The following TXNRD1 variants were observed in gnomAD, a reference collection of about 807,000 sequenced individuals.
TXNRD1 encodes thioredoxin reductase 1, cytoplasmic.
Under a neutral mutation model 80.3 loss-of-function variants are expected in TXNRD1, and 57 were observed. The observed-to-expected ratio is 0.71, with a 90% confidence interval of 0.57 to 0.89. TXNRD1 has a LOEUF of 0.89. Ranked by LOEUF, TXNRD1 falls within the 40% of genes least tolerant of loss-of-function variation. The pLI is 0.00. For missense variants in TXNRD1, 730 were observed against 803.0 expected, an observed-to-expected ratio of 0.91 and a Z score of 1.10; for synonymous variants, 291 against 285.2, an observed-to-expected ratio of 1.02 and a Z score of -0.20.
At chr12:104,274,589 C>T (rs922653766) in intron 3 of TXNRD1, among the ~76,000 whole-genome samples, 14 of 151,736 alleles carry the variant, frequency 9.2e-5, no homozygotes, top group African/African-American at 3.4e-4. Flanking sequence ...GTCCCAGCTA[C>T]TCGGTAGGCT....
At chr12:104,306,251 A>T (rs2034911263) in intron 4 of TXNRD1, among the ~76,000 whole-genome samples, 1 of 152,194 alleles carries the variant, frequency 6.6e-6, no homozygotes, top group Non-Finnish European at 1.5e-5. Context: ...TGAAACTAAA[A>T]CATGTTAGTT....
intron 9 of TXNRD1, 65 bp downstream of exon 9, chr12:104,319,650 C>A: frequency 8.5e-7 from 1 of 1,182,198 alleles, no homozygotes; most frequent in Non-Finnish European, 1.2e-6. Context: ...CATTTTTCTT[C>A]AAACCCACTG....
At chr12:104,291,153 A>G (rs1163303132) in intron 4 of TXNRD1, 1 of 559,260 alleles carries the variant, frequency 1.8e-6, no homozygotes, top group Non-Finnish European at 3.2e-6. Context: ...CTTAAAAGAA[A>G]TCATTTAGCA....
intron 1 of TXNRD1, among the ~76,000 whole-genome samples, chr12:104,238,381 TAACTAAATG>T: frequency 1.3e-5 from 2 of 152,372 alleles, no homozygotes; most frequent in South Asian, 4.1e-4. Flanking sequence ...AAACACAAGT[TAACTAAATG>T]GATTGCACTC....
At chr12:104,346,390 GA>G (rs2135902483) in intron 16 of TXNRD1, among the ~76,000 whole-genome samples, 1 of 152,164 alleles carries the variant, frequency 6.6e-6, no homozygotes, top group East Asian at 1.9e-4. Flanking sequence ...ATCAATATGA[GA>G]AAAAACAGAT....
chr12:104,319,570 A>C lies in TXNRD1; in HGVS notation c.974A>C (p.Glu325Ala). 2 of 1,601,412 alleles carry C rather than the reference A, an allele frequency of 1.2e-6. No homozygotes were observed. The highest frequency in any genetic ancestry group is 1.3e-5 in the African/African-American group (1 of 74,882). Residue 325 changes from glutamate (E) to alanine (A), a missense_variant, in exon 9 of 17, where the codon GAA (glutamate) becomes GCA (alanine). Transcript: ENST00000525566. ...PRYLGIPGDK[E>A]YCISSDDLFS... ...TACTTGGGCATCCCTGGTGACAAAG[A>C]ATACTGCATCAGCAGGTAAAGGAAA...
chr12:104,256,077 A>G (rs376466595), intron 2 of TXNRD1, among the ~76,000 whole-genome samples: 1 of 152,190 alleles, frequency 6.6e-6, no homozygotes, highest in Non-Finnish European at 1.5e-5. Context: ...ATTACCTTGA[A>G]GTAGAATTTT....
At position 104,255,838 on chromosome 12, in the gene TXNRD1, C is replaced by A. The variant is rs376060876; in HGVS notation, c.244-2181C>A. Among the ~76,000 whole-genome samples the A allele has an allele frequency of 3.3e-5, 5 of 152,264 alleles. No homozygotes were observed. The East Asian group carries it at 7.7e-4, about 23-fold the overall frequency. ...TCATCCTGGCAAATTTATTTAATAT[C>A]ATTATCCAAACAATCCCTGGGTATG... On this transcript the variant is annotated intron_variant, in intron 2 of 16. Transcript: ENST00000525566.
chr12:104,317,814 T>C (rs1353608975), intron 7 of TXNRD1, among the ~76,000 whole-genome samples: 1 of 152,178 alleles, frequency 6.6e-6, no homozygotes, highest in Non-Finnish European at 1.5e-5. Context: ...CACTCCAGCC[T>C]GGGCAACAGA....
intron 3 of TXNRD1, 93 bp from the exon 4 acceptor site, chr12:104,288,815 CAGAGGGCACGCGGTGCCTGCGGG>C: frequency 1.2e-6 from 2 of 1,604,874 alleles, no homozygotes; most frequent in Non-Finnish European, 1.7e-6. Context: ...AGGGAGTCAA[CAGAGGGCACGCGGTGCCTGCGGG>C]GCCGGGACGG....
intron 1 of TXNRD1, among the ~76,000 whole-genome samples, chr12:104,231,188 T>C (rs747085346): frequency 2.6e-5 from 4 of 152,186 alleles, no homozygotes; most frequent in Non-Finnish European, 5.9e-5. Flanking sequence ...AATTTATTAA[T>C]AACTCCTATA....
At chr12:104,254,644 A>AAAAAAAAAAAAAATATATATATAT in intron 2 of TXNRD1, among the ~76,000 whole-genome samples, 6 of 93,630 alleles carry the variant, frequency 6.4e-5, no homozygotes, top group Admixed American at 2.6e-4. Flanking sequence ...AAAAAAAAAA[A>AAAAAAAAAAAAAATATATATATAT]ATATATATAT....
intron 13 of TXNRD1, among the ~76,000 whole-genome samples, chr12:104,329,445 C>T (rs1166847791): frequency 1.3e-5 from 2 of 151,808 alleles, no homozygotes; most frequent in African/African-American, 4.8e-5. Flanking sequence ...CCCAGGAATT[C>T]GAAACCAGCC....
At chr12:104,280,083 A>AAAAAAAAC (rs2033846480) in intron 3 of TXNRD1, among the ~76,000 whole-genome samples, 1 of 149,598 alleles carries the variant, frequency 6.7e-6, no homozygotes, top group African/African-American at 2.5e-5. Flanking sequence ...AAAAAAAAAA[A>AAAAAAAAC]TTCCTCTATC....
chr12:104,266,985 TAAAATAAAAATAA>T (rs2033506457), intron 3 of TXNRD1, among the ~76,000 whole-genome samples: 2 of 142,584 alleles, frequency 1.4e-5, no homozygotes, highest in Admixed American at 1.4e-4. Context: ...TAAAATAAAA[TAAAATAAAAATAA>T]AAAATAAAAA....
At chr12:104,287,196 G>C (rs909184852) in intron 3 of TXNRD1, 29 of 1,590,942 alleles carry the variant, frequency 1.8e-5, no homozygotes, top group Admixed American at 5.1e-5. Flanking sequence ...GGGGACGACA[G>C]CATTGCGCCT....
chr12:104,237,502 G>A (rs11536084), intron 1 of TXNRD1, among the ~76,000 whole-genome samples: 27,792 of 152,060 alleles, frequency 0.18, 3,195 homozygotes, highest in East Asian at 0.57. Context: ...TTAATTTTAG[G>A]GATCTCTCTT....
At chr12:104,233,376 G>C (rs1402680108) in intron 1 of TXNRD1, among the ~76,000 whole-genome samples, 12 of 152,154 alleles carry the variant, frequency 7.9e-5, no homozygotes, top group African/African-American at 2.9e-4. Flanking sequence ...ATTGTGTCCT[G>C]TTGACAAAGA....
At chr12:104,238,601 T>C (rs940339586) in intron 1 of TXNRD1, among the ~76,000 whole-genome samples, 1 of 152,204 alleles carries the variant, frequency 6.6e-6, no homozygotes, top group Non-Finnish European at 1.5e-5. Context: ...CATGAAAGGG[T>C]GTTAGACTCT....
Sources: allele counts gnomAD v4.1 joint callset (sites outside exome capture counted in the v4.1 genomes callset), GRCh38; gene constraint gnomAD v4.1.1; transcripts MANE v1.5; gene names NCBI Gene and HGNC (gene_info 2026-07-23, HGNC 2026-07-21).